DIP2C: variants seen among roughly 807,000 people sequenced by gnomAD.
DIP2C encodes disco-interacting protein 2 homolog C.
Under a neutral mutation model 192.4 loss-of-function variants are expected in DIP2C, and 33 were observed. That is an observed-to-expected ratio of 0.17 (90% CI 0.13 to 0.23). The LOEUF is 0.23. DIP2C is among the 10% of genes least tolerant of loss of function. The pLI is 1.00. For synonymous variants in DIP2C, 979 were observed against 864.1 expected (o/e 1.13, Z -2.33); for missense variants, 1,537 against 2,110.1 (o/e 0.73, Z 5.32).
At chr10:470,284 T>TCACA (rs1970526399) in intron 3 of DIP2C, among the ~76,000 whole-genome samples, 1 of 152,150 alleles carries the variant, frequency 6.6e-6, no homozygotes, top group Non-Finnish European at 1.5e-5. Flanking sequence ...GCGCCATATT[T>TCACA]CACAATTTTA....
chr10:366,984 G>A (rs1318562117), intron 18 of DIP2C, among the ~76,000 whole-genome samples: 1 of 152,182 alleles, frequency 6.6e-6, no homozygotes, highest in Admixed American at 6.5e-5. Flanking sequence ...TCTGATTAGG[G>A]AGCCAAGAGC....
At chr10:560,104 G>T (rs528201999) in intron 1 of DIP2C, among the ~76,000 whole-genome samples, 1 of 152,034 alleles carries the variant, frequency 6.6e-6, no homozygotes, top group Non-Finnish European at 1.5e-5. Flanking sequence ...AGTTTCACAG[G>T]GAAACCAAGA....
At chr10:354,460 T>C (rs115338248) in intron 24 of DIP2C, among the ~76,000 whole-genome samples, 4,161 of 152,230 alleles carry the variant, frequency 0.027, 174 homozygotes, top group African/African-American at 0.095. Context: ...CTGGAACAGC[T>C]CTATTTTCCT....
rs190281835 is a variant in DIP2C, at chr10:602,198, A to T, written c.85+87296T>A. Among the ~76,000 whole-genome samples, 175 of 152,292 alleles carry T rather than the reference A, an allele frequency of 1.1e-3. 1 individual carries two copies. The highest frequency in any genetic ancestry group is 8.5e-3 in the South Asian group (41 of 4,826). On this transcript the variant is annotated intron_variant, in intron 1 of 36. Transcript: ENST00000280886. ...GTCTGAAGAAAACTCCTGCAGTCCTAAAGTGTCAGTTCTCAAAGCCCTTAA... is the reference window on the plus strand; with the variant it reads ...GTCTGAAGAAAACTCCTGCAGTCCTTAAGTGTCAGTTCTCAAAGCCCTTAA...
chr10:477,029 TC>T (rs1236778227), intron 2 of DIP2C, among the ~76,000 whole-genome samples: 2 of 138,822 alleles, frequency 1.4e-5, no homozygotes, highest in Non-Finnish European at 3.1e-5. Context: ...AATCCAAACG[TC>T]AGTGACATTT....
intron 1 of DIP2C, among the ~76,000 whole-genome samples, chr10:566,806 C>A (rs1205859997): frequency 6.6e-6 from 1 of 152,194 alleles, no homozygotes; most frequent in Non-Finnish European, 1.5e-5. Context: ...AGGCACCATG[C>A]GGAGCAGCGT....
At chr10:658,321 C>T (rs1199423600) in intron 1 of DIP2C, among the ~76,000 whole-genome samples, 1 of 151,374 alleles carries the variant, frequency 6.6e-6, no homozygotes, top group South Asian at 2.1e-4. Flanking sequence ...GGACCTGATG[C>T]TGGACCTGAC....
chr10:646,224 C>T (rs1227856322), intron 1 of DIP2C, among the ~76,000 whole-genome samples: 3 of 152,150 alleles, frequency 2.0e-5, no homozygotes, highest in Non-Finnish European at 4.4e-5. Context: ...CTATAAAAAC[C>T]CCAAGGGCTG....
chr10:552,256 C>A (rs1259213143), intron 1 of DIP2C, among the ~76,000 whole-genome samples: 2 of 152,174 alleles, frequency 1.3e-5, no homozygotes, highest in African/African-American at 2.4e-5. Context: ...AAGACATTTT[C>A]TATAATCTAT....
intron 1 of DIP2C, among the ~76,000 whole-genome samples, chr10:617,902 C>T (rs766687819): frequency 1.3e-5 from 2 of 150,238 alleles, no homozygotes; most frequent in Non-Finnish European, 3.0e-5. Flanking sequence ...ACTAATACCT[C>T]GTTTACAGAA....
intron 10 of DIP2C, among the ~76,000 whole-genome samples, chr10:397,570 G>C (rs986717474): frequency 4.6e-5 from 7 of 150,752 alleles, no homozygotes; most frequent in Admixed American, 2.0e-4. Context: ...ATGGTTTAAG[G>C]GCAGTGTGCA....
chr10:532,858 C>T (rs542329210), intron 1 of DIP2C, among the ~76,000 whole-genome samples: 7 of 152,140 alleles, frequency 4.6e-5, no homozygotes, highest in Admixed American at 2.6e-4. Context: ...GGTGCTATCA[C>T]GGTTCAACTG....
chr10:399,028 A>C lies in DIP2C; in HGVS notation c.1260+81T>G. ...ACCCAGGGCCCCAGAAACAGCGAGG[A>C]GACCCTCACCCAGCCGGGATACAGC... On this transcript the variant is annotated intron_variant, in intron 10 of 36. Coordinates refer to ENST00000280886, the MANE Select transcript of DIP2C (RefSeq NM_014974.3). 4 of 1,220,920 alleles carry C rather than the reference A, an allele frequency of 3.3e-6. No individual in the cohort carries two copies. In the Admixed American group the frequency reaches 7.3e-5, roughly 22 times the overall value. 75.6% of individuals were successfully genotyped at this position (1,220,920 alleles called of 1,614,324 possible). A position where few individuals can be genotyped will look rare whatever the true frequency, so the allele number is the denominator to read the frequency against.
intron 4 of DIP2C, among the ~76,000 whole-genome samples, chr10:439,666 T>C (rs906171354): frequency 6.6e-6 from 1 of 152,142 alleles, no homozygotes; most frequent in Non-Finnish European, 1.5e-5. Context: ...TATGCACTCT[T>C]TAAGTTCTGT....
At position 325,029 on chromosome 10, in the gene DIP2C, G is replaced by A. The variant is rs772578776; in HGVS notation, c.3924+1977C>T. On this transcript the variant is annotated intron_variant, in intron 31 of 36. Coordinates refer to ENST00000280886, the MANE Select transcript of DIP2C (RefSeq NM_014974.3). The stretch of plus-strand genomic sequence containing the variant: ...GCCTGTAATCCCAGCACTTTAGGAG[G>A]CAAAGGAAGGCGGATCATGAGGTCA... 6.5e-4 allele frequency: 328 copies of A among 506,386 alleles called. 4 individuals carry two copies. In the Middle Eastern group the frequency reaches 0.016, roughly 25 times the overall value. The allele number at this position is 506,386 out of a possible 1,614,324, so 31.4% of individuals were successfully genotyped here.
intron 4 of DIP2C, among the ~76,000 whole-genome samples, chr10:431,975 T>G (rs75184386): frequency 0.016 from 2,483 of 152,346 alleles, 76 homozygotes; most frequent in African/African-American, 0.056. Context: ...TTTGTCAAAT[T>G]CTTTTCCTTT....
chr10:503,622 C>T (rs779014816), intron 1 of DIP2C, among the ~76,000 whole-genome samples: 8 of 152,176 alleles, frequency 5.3e-5, no homozygotes, highest in African/African-American at 9.7e-5. Flanking sequence ...GGGTGCTAAC[C>T]ACAGCTTCCA....
intron 1 of DIP2C, among the ~76,000 whole-genome samples, chr10:569,660 T>A (rs1849662953): frequency 6.6e-6 from 1 of 152,150 alleles, no homozygotes; most frequent in Non-Finnish European, 1.5e-5. Flanking sequence ...TAAATTTATT[T>A]AACTACTGCT....
chr10:617,083 A>C (rs1458770863), intron 1 of DIP2C, among the ~76,000 whole-genome samples: 1 of 152,178 alleles, frequency 6.6e-6, no homozygotes, highest in Non-Finnish European at 1.5e-5. Flanking sequence ...AACGGGGTTC[A>C]CAGGCCCAGA....
Sources: gnomAD v4.1 joint callset for allele counts (sites outside exome capture counted in the v4.1 genomes callset) on GRCh38, gnomAD v4.1.1 for gene constraint, MANE v1.5 for transcripts, NCBI Gene and HGNC (gene_info 2026-07-23, HGNC 2026-07-21) for gene names.